The following SIL1 variants were observed in gnomAD, a reference collection of about 807,000 sequenced individuals.
SIL1 encodes the protein SIL1 nucleotide exchange factor, also known as nucleotide exchange factor SIL1.
Under a neutral mutation model 49.1 loss-of-function variants are expected in SIL1, and 40 were observed. The observed-to-expected ratio is 0.81, with a 90% CI of 0.63 to 1.06. SIL1 has a LOEUF of 1.06. Among genes scored for constraint, SIL1 ranks in the 50% least tolerant of loss-of-function variants. SIL1 has a pLI of 0.00. For missense variants in SIL1, 500 were observed against 572.6 expected (o/e 0.87, Z 1.29); for synonymous variants, 253 against 250.8 (o/e 1.01, Z -0.08).
At chr5:139,001,338 C>A (rs901811201) in intron 7 of SIL1, among the ~76,000 whole-genome samples, 1 of 152,054 alleles carries the variant, frequency 6.6e-6, no homozygotes, top group Non-Finnish European at 1.5e-5. Flanking sequence ...TATAACCTAG[C>A]AATTCTACTT....
chr5:139,168,442 C>T (rs1358432373), intron 1 of SIL1, among the ~76,000 whole-genome samples: 1 of 152,164 alleles, frequency 6.6e-6, no homozygotes, highest in Non-Finnish European at 1.5e-5. Flanking sequence ...TTGCACACAG[C>T]TTGCACAAAA....
chr5:139,026,322 C>G (rs1301071109), intron 6 of SIL1, among the ~76,000 whole-genome samples: 1 of 152,132 alleles, frequency 6.6e-6, no homozygotes, highest in Non-Finnish European at 1.5e-5. Context: ...GGTTGGCTGG[C>G]CAGGCATGGT....
intron 3 of SIL1, among the ~76,000 whole-genome samples, chr5:139,096,132 G>A (rs557996123): frequency 2.0e-5 from 3 of 152,324 alleles, no homozygotes; most frequent in Admixed American, 2.0e-4. Flanking sequence ...GGCACTGGCA[G>A]AGGGAGAGCA....
At chr5:139,160,215 G>A (rs1274100685) in intron 1 of SIL1, among the ~76,000 whole-genome samples, 1 of 151,522 alleles carries the variant, frequency 6.6e-6, no homozygotes. Context: ...GAGTAGAAGA[G>A]ATGGAGCCTA....
At chr5:139,196,811 A>T (rs920494380) in intron 1 of SIL1, among the ~76,000 whole-genome samples, 2 of 152,222 alleles carry the variant, frequency 1.3e-5, no homozygotes, top group Non-Finnish European at 1.5e-5. Flanking sequence ...GACCCATGTT[A>T]TACAAATATC....
intron 7 of SIL1, among the ~76,000 whole-genome samples, chr5:138,978,893 T>G (rs972047477): frequency 6.6e-6 from 1 of 151,980 alleles, no homozygotes; most frequent in Non-Finnish European, 1.5e-5. Context: ...ATTGTAGGAG[T>G]TTTTAATTAC....
At chr5:139,169,800 A>T (rs553702743) in intron 1 of SIL1, among the ~76,000 whole-genome samples, 1 of 145,960 alleles carries the variant, frequency 6.9e-6, no homozygotes, top group African/African-American at 2.5e-5. Context: ...TATATTTAAG[A>T]AAAAAAAAAG....
At chr5:139,190,377 G>C (rs763282927) in intron 1 of SIL1, among the ~76,000 whole-genome samples, 32 of 152,208 alleles carry the variant, frequency 2.1e-4, no homozygotes, top group Non-Finnish European at 3.8e-4. Flanking sequence ...ACATGAGTAG[G>C]AGGAAAAACA....
intron 1 of SIL1, among the ~76,000 whole-genome samples, 187 bp downstream of exon 1, chr5:139,198,082 G>A (rs1471802028): frequency 3.3e-5 from 5 of 152,226 alleles, no homozygotes; most frequent in Non-Finnish European, 5.9e-5. Flanking sequence ...GGAAAGATAA[G>A]AAAGGTAGGC....
chr5:139,095,703 C>G (rs549497911), intron 3 of SIL1, among the ~76,000 whole-genome samples: 1 of 152,278 alleles, frequency 6.6e-6, no homozygotes, highest in Admixed American at 6.5e-5. Flanking sequence ...TGGCACACAC[C>G]TGTAGTCCCA....
intron 1 of SIL1, chr5:139,155,438 G>A (rs62382973): frequency 2.8e-5 from 2 of 72,040 alleles, no homozygotes; most frequent in South Asian, 6.1e-4. Flanking sequence ...ACACACACAC[G>A]TACACAGAGT....
intron 3 of SIL1, among the ~76,000 whole-genome samples, chr5:139,102,288 G>T (rs1770603841): frequency 6.6e-6 from 1 of 152,198 alleles, no homozygotes; most frequent in African/African-American, 2.4e-5. Flanking sequence ...TAAAGGGAAA[G>T]TATCTGTCTC....
At chr5:139,034,137 T>A (rs1383775146) in intron 5 of SIL1, among the ~76,000 whole-genome samples, 2 of 152,192 alleles carry the variant, frequency 1.3e-5, no homozygotes, top group African/African-American at 4.8e-5. Context: ...TAGTAACTCC[T>A]GCTTTTTAAT....
intron 1 of SIL1, among the ~76,000 whole-genome samples, chr5:139,176,091 T>A (rs1199186685): frequency 2.6e-5 from 4 of 152,086 alleles, no homozygotes; most frequent in African/African-American, 7.2e-5. Flanking sequence ...AAAACCCTGG[T>A]CTCAAGCAAT....
intron 1 of SIL1, among the ~76,000 whole-genome samples, chr5:139,128,226 A>T (rs1302403804): frequency 6.6e-6 from 1 of 152,156 alleles, no homozygotes. Flanking sequence ...AAATCCACAT[A>T]AGCCTTTATA....
chr5:139,137,229 G>A (rs1750992149), intron 1 of SIL1: 1 of 674,904 alleles, frequency 1.5e-6, no homozygotes, highest in Admixed American at 2.2e-5. Context: ...TGCAAGCAAA[G>A]TATTAGTTCA....
At chr5:139,183,838 A>ACT (rs1251387137) in intron 1 of SIL1, among the ~76,000 whole-genome samples, 2 of 152,216 alleles carry the variant, frequency 1.3e-5, no homozygotes, top group South Asian at 4.2e-4. Context: ...TACAATGTTT[A>ACT]CTCTCTCTGG....
chr5:139,179,069 T>C (rs1042475036), intron 1 of SIL1, among the ~76,000 whole-genome samples: 3 of 152,192 alleles, frequency 2.0e-5, no homozygotes, highest in East Asian at 1.9e-4. Context: ...GTGGTAGCCA[T>C]AGTGATAAGC....
At chr5:138,998,829 T>C (rs1581017302) in intron 7 of SIL1, among the ~76,000 whole-genome samples, 2 of 150,404 alleles carry the variant, frequency 1.3e-5, no homozygotes, top group Non-Finnish European at 3.0e-5. Flanking sequence ...ATGAATAAAG[T>C]AGGATGCAGA....
Sources: allele counts gnomAD v4.1 joint callset (sites outside exome capture counted in the v4.1 genomes callset), GRCh38; gene constraint gnomAD v4.1.1; transcripts MANE v1.5; gene names NCBI Gene and HGNC (gene_info 2026-07-23, HGNC 2026-07-21).